Variants in VPS33B observed in about 807,000 individuals in gnomAD.
VPS33B encodes VPS33B late endosome and lysosome associated.
In VPS33B, 80 loss-of-function variants were observed where a neutral mutation model predicts 95.3. The ratio of observed to expected loss-of-function variants is 0.84; its 90% CI spans 0.70 to 1.01. VPS33B has a LOEUF of 1.01. VPS33B is among the 50% of genes least tolerant of loss of function. The pLI, the probability that VPS33B is intolerant of heterozygous loss-of-function variation, is 0.00. For synonymous variants in VPS33B, 280 were observed against 280.4 expected, an observed-to-expected ratio of 1.00 and a Z score of 0.01; for missense variants, 715 against 773.4, an observed-to-expected ratio of 0.92 and a Z score of 0.90.
chr15:91,022,399 TC>T lies in VPS33B; in HGVS notation c.-151del. 1.4e-6 allele frequency: 1 copy of T among 696,678 alleles called. No homozygotes were observed. Among genetic ancestry groups the T allele is most frequent in the Non-Finnish European group, 2.3e-6 (1 of 426,760 alleles). The allele number at this position is 696,678 out of a possible 1,614,324, so 43.2% of individuals were successfully genotyped here. A position where few individuals can be genotyped will look rare whatever the true frequency, so the allele number is the denominator to read the frequency against. The stretch of plus-strand genomic sequence containing the variant: ...ATGGGCCCTCGCTCCTCAGCAGCAC[TC>T]CAGGAATGAATGGCCACCTCCAGGC... On this transcript the variant is annotated 5_prime_UTR_variant, in exon 1 of 23. Transcript: ENST00000333371.
chr15:91,001,336 C>T (rs1180508109), intron 19 of VPS33B, 53 bp downstream of exon 19: 8 of 1,089,360 alleles, frequency 7.3e-6, no homozygotes, highest in Non-Finnish European at 9.9e-6. Flanking sequence ...AAGAAAAGTA[C>T]TCCACAATGG....
chr15:91,007,054 G>T lies in VPS33B; in HGVS notation c.604-8C>A. 1.9e-6 allele frequency: 3 copies of T among 1,608,784 alleles called. No homozygotes were observed. The highest frequency in any genetic ancestry group is 2.5e-6 in the Non-Finnish European group (3 of 1,179,942). ...CCACAATTCATATGCCATCTGCCAG[G>T]GCCCAAGACATTCTCAGTCTTGTGT... On this transcript the variant is annotated splice_region_variant and splice_polypyrimidine_tract_variant and intron_variant, in intron 8 of 22. Coordinates refer to ENST00000333371, the MANE Select transcript of VPS33B (RefSeq NM_018668.5). This position sits in a 1 kb window ranked among gnomAD's most constrained non-coding sequence, Gnocchi z 5.3.
chr15:91,006,811 T>C lies in VPS33B; in HGVS notation c.701-82A>G, dbSNP rs2040620729. 1 of 1,595,280 alleles carries C rather than the reference T, an allele frequency of 6.3e-7. No homozygotes were observed. Among genetic ancestry groups the C allele is most frequent in the Non-Finnish European group, 8.6e-7 (1 of 1,163,220 alleles). Reference sequence around the variant, plus strand: ...ATGTCCAAGGGCAGCTTTGATACTTTCCATAGGGCCAAGGACCCACGCTCC... The same window carrying C: ...ATGTCCAAGGGCAGCTTTGATACTTCCCATAGGGCCAAGGACCCACGCTCC... On this transcript the variant is annotated intron_variant, in intron 9 of 22. Transcript: ENST00000333371. The surrounding 1 kb of genome is among the most constrained non-coding windows in gnomAD (Gnocchi z 5.4).
chr15:91,021,999 TTAC>T (rs1365330240), intron 1 of VPS33B, among the ~76,000 whole-genome samples, 152 bp downstream of exon 1: 2 of 152,194 alleles, frequency 1.3e-5, no homozygotes, highest in African/African-American at 4.8e-5. Flanking sequence ...CAAACAGCTC[TTAC>T]TACTCCCTGG....
At chr15:91,020,266 G>A (rs2041065692) in intron 1 of VPS33B, among the ~76,000 whole-genome samples, 1 of 152,194 alleles carries the variant, frequency 6.6e-6, no homozygotes, top group Non-Finnish European at 1.5e-5. Flanking sequence ...AAAAAGTTAT[G>A]TGTAAAGAAG....
rs1243258906 is a variant in VPS33B, at chr15:91,002,176, C to G, written c.1279G>C (p.Gly427Arg). ...GAGAAGGTTAGCAGGTGCTCAGGGC[C>G]ATAGCTCTGAAGAAGATGCAATTAG... ...SLKTQYLQSY[G>R]PEHLLTFSNL... Residue 427 changes from glycine (G) to arginine (R), a missense_variant, in exon 18 of 23, where the codon GGC becomes CGC. Physicochemically the swap from Gly to Arg is moderately radical, Grantham distance 125. Transcript: ENST00000333371. The surrounding 1 kb of genome is among the most constrained non-coding windows in gnomAD (Gnocchi z 4.7). 6.2e-7 allele frequency: 1 copy of G among 1,614,172 alleles called. No individual in the cohort carries two copies. Among genetic ancestry groups the G allele is most frequent in the East Asian group, 2.2e-5 (1 of 44,892 alleles).
In VPS33B at chr15:91,009,464, G is replaced by A. The variant is rs1276564600; in HGVS notation, c.403+337C>T. On this transcript the variant is annotated intron_variant, in intron 6 of 22. Coordinates refer to ENST00000333371, the MANE Select transcript of VPS33B (RefSeq NM_018668.5). This position sits in a 1 kb window ranked among gnomAD's most constrained non-coding sequence, Gnocchi z 4.1. ...TGGGATTACAAGCGTGCGCCATCAC[G>A]CCCAGCTAATTATTGTATTTTTAGT... is the stretch of plus-strand genomic sequence containing the variant. 2.6e-5 allele frequency among the ~76,000 whole-genome samples: 4 copies of A among 151,716 alleles called. No homozygotes were observed. The highest frequency in any genetic ancestry group is 7.3e-5 in the African/African-American group (3 of 41,246).
rs114924587 is a variant in VPS33B at position 91,004,511 on chromosome 15, A to G, written c.1225+366T>C. The stretch of plus-strand genomic sequence containing the variant: ...AGAGCGAGACTCTTGTCTCAAAAAA[A>G]TAAATAAATAAAATAAATGTTCATG... On this transcript the variant is annotated intron_variant, in intron 16 of 22. Transcript: ENST00000333371. Among the ~76,000 whole-genome samples, 597 of 152,304 alleles carry G rather than the reference A, an allele frequency of 3.9e-3. 8 individuals carry two copies. The highest frequency in any genetic ancestry group is 0.014 in the African/African-American group (574 of 41,546).
Position 91,006,361 on chromosome 15 carries a change from C to A in VPS33B, c.852+11G>T, listed in dbSNP as rs970832921. The A allele has an allele frequency of 6.2e-7, 1 of 1,614,160 alleles. No individual in the cohort carries two copies. The highest frequency in any genetic ancestry group is 1.3e-5 in the African/African-American group (1 of 75,036). ...CCTAGGTGGGCCCATTGCTAGCACCCACACCCTCACCTTGTCCTCGGCATT... is the reference window on the plus strand; with the variant it reads ...CCTAGGTGGGCCCATTGCTAGCACCAACACCCTCACCTTGTCCTCGGCATT... On this transcript the variant is annotated intron_variant, in intron 11 of 22. Coordinates refer to ENST00000333371, the MANE Select transcript of VPS33B (RefSeq NM_018668.5). The surrounding 1 kb of genome is among the most constrained non-coding windows in gnomAD (Gnocchi z 5.4).
chr15:91,012,740 G>A (rs1483994936), intron 5 of VPS33B, among the ~76,000 whole-genome samples: 1 of 152,194 alleles, frequency 6.6e-6, no homozygotes, highest in Non-Finnish European at 1.5e-5. Context: ...GATGCACGTA[G>A]CTGATGTGGA....
rs74037624 is a variant in VPS33B, at chr15:91,021,005, T to C, written c.96+1149A>G. On this transcript the variant is annotated intron_variant, in intron 1 of 22. Coordinates refer to ENST00000333371, the MANE Select transcript of VPS33B (RefSeq NM_018668.5). ...CAGTTCTACATTTCTATCTGCTGGATGTTACAAGCTATATTTCTTACGGGC... is the reference window on the plus strand; with the variant it reads ...CAGTTCTACATTTCTATCTGCTGGACGTTACAAGCTATATTTCTTACGGGC... Among the ~76,000 whole-genome samples, 1,291 of 152,346 alleles carry C rather than the reference T, an allele frequency of 8.5e-3. 25 individuals carry two copies. Among genetic ancestry groups the C allele is most frequent in the African/African-American group, 0.029 (1,220 of 41,574 alleles).
intron 16 of VPS33B, 37 bp downstream of exon 16, chr15:91,004,840 C>T: frequency 1.2e-6 from 2 of 1,612,916 alleles, no homozygotes; most frequent in Non-Finnish European, 1.7e-6. Flanking sequence ...CATAGTTTCT[C>T]AATCTGACAT....
chr15:90,999,238 G>GTGGCAGCCCAGAGTTAAGGCTA lies in VPS33B; in HGVS notation c.1775-206_1775-185dup, dbSNP rs1383134533. The GTGGCAGCCCAGAGTTAAGGCTA allele has an allele frequency of 1.4e-4, 96 of 668,768 alleles. No homozygotes were observed. The East Asian group carries it at 2.5e-3, about 18-fold the overall frequency. 41.4% of individuals were successfully genotyped at this position (668,768 alleles called of 1,614,324 possible). On this transcript the variant is annotated intron_variant, in intron 22 of 22. Coordinates refer to ENST00000333371, the MANE Select transcript of VPS33B (RefSeq NM_018668.5). This position sits in a 1 kb window ranked among gnomAD's most constrained non-coding sequence, Gnocchi z 5.1. ...GACTGGTATAACTGGGCTCCCTGCT[G>GTGGCAGCCCAGAGTTAAGGCTA]TGGCAGCCCAGAGTTAAGGCTATGG...
At position 91,013,657 on chromosome 15, in the gene VPS33B, T is replaced by C. The variant is rs959648988; in HGVS notation, c.357+147A>G. On this transcript the variant is annotated intron_variant, in intron 5 of 22. Transcript: ENST00000333371. This position sits in a 1 kb window ranked among gnomAD's most constrained non-coding sequence, Gnocchi z 4.5. ...AGACCATGAGCTAAATAAATTTCTGTTCATTATAAATTACCTAGTCTCAGG... is the reference window on the plus strand; with the variant it reads ...AGACCATGAGCTAAATAAATTTCTGCTCATTATAAATTACCTAGTCTCAGG... 1.2e-6 allele frequency: 1 copy of C among 864,264 alleles called. No individual in the cohort carries two copies. The highest frequency in any genetic ancestry group is 1.8e-5 in the Admixed American group (1 of 56,184). The allele number at this position is 864,264 out of a possible 1,614,324, so 53.5% of individuals were successfully genotyped here. A position where few individuals can be genotyped will look rare whatever the true frequency, so the allele number is the denominator to read the frequency against.
rs1422530692 is a variant in VPS33B at position 91,005,336 on chromosome 15, A to G, written c.1105+44T>C. The G allele has an allele frequency of 1.2e-6, 2 of 1,614,088 alleles. No homozygotes were observed. The highest frequency in any genetic ancestry group is 3.3e-5 in the Admixed American group (2 of 60,014). ...GGTGGGACGGGGCTGGGAGCTGGGG[A>G]AGTAGAAGCGTGGGCAGTAGCACAG... On this transcript the variant is annotated intron_variant, in intron 14 of 22. Transcript: ENST00000333371. The surrounding 1 kb of genome is among the most constrained non-coding windows in gnomAD (Gnocchi z 6.4).
chr15:91,006,366 C>T lies in VPS33B; in HGVS notation c.852+6G>A, dbSNP rs376311243. 3 of 1,614,172 alleles carry T rather than the reference C, an allele frequency of 1.9e-6. No homozygotes were observed. Among genetic ancestry groups the T allele is most frequent in the African/African-American group, 1.3e-5 (1 of 75,028 alleles). On this transcript the variant is annotated splice_donor_region_variant and intron_variant, in intron 11 of 22. Transcript: ENST00000333371. This position sits in a 1 kb window ranked among gnomAD's most constrained non-coding sequence, Gnocchi z 5.4. Reference sequence around the variant, plus strand: ...GTGGGCCCATTGCTAGCACCCACACCCTCACCTTGTCCTCGGCATTGAGTA... The same window carrying T: ...GTGGGCCCATTGCTAGCACCCACACTCTCACCTTGTCCTCGGCATTGAGTA...
In VPS33B at chr15:91,000,120, C is replaced by T. The variant is rs1268830030; in HGVS notation, c.1582-145G>A. ...CAGGGCCAGGTGTGGTGGCTCACGC[C>T]TGTAATTCCAACACTTTAGGAGTTT... On this transcript the variant is annotated intron_variant, in intron 20 of 22. Coordinates refer to ENST00000333371, the MANE Select transcript of VPS33B (RefSeq NM_018668.5). The surrounding 1 kb of genome is among the most constrained non-coding windows in gnomAD (Gnocchi z 4.9). 1 of 1,016,346 alleles carries T rather than the reference C, an allele frequency of 9.8e-7. No homozygotes were observed. Among genetic ancestry groups the T allele is most frequent in the Non-Finnish European group, 1.5e-6 (1 of 669,770 alleles). The allele number at this position is 1,016,346 out of a possible 1,614,324, so 63.0% of individuals were successfully genotyped here. A position where few individuals can be genotyped will look rare whatever the true frequency, so the allele number is the denominator to read the frequency against.
chr15:91,007,506 G>C lies in VPS33B; in HGVS notation c.566C>G (p.Pro189Arg). Residue 189 changes from proline (P) to arginine (R), a missense_variant, in exon 8 of 23, where the codon CCC becomes CGC. By Grantham distance (103) the Pro-to-Arg change is moderately radical. Transcript: ENST00000333371. This position sits in a 1 kb window ranked among gnomAD's most constrained non-coding sequence, Gnocchi z 5.3. ...GCCAATTCCATAGCAGTTTGGAAAG[G>C]GTCCATAGAGAGTGCTGAGAAGGTG... ...ALHLLSTLYGPFPNCYGIGRC... is the reference protein window; with the variant it reads ...ALHLLSTLYGRFPNCYGIGRC... 6.2e-7 allele frequency: 1 copy of C among 1,614,190 alleles called. No individual in the cohort carries two copies. Among genetic ancestry groups the C allele is most frequent in the Non-Finnish European group, 8.5e-7 (1 of 1,180,036 alleles).
Position 91,013,839 on chromosome 15 carries a change from T to C in VPS33B, c.322A>G (p.Thr108Ala), listed in dbSNP as rs763092006. 1.2e-6 allele frequency: 2 copies of C among 1,614,090 alleles called. No individual in the cohort carries two copies. The highest frequency in any genetic ancestry group is 1.1e-5 in the South Asian group (1 of 91,076). Residue 108 changes from threonine (T) to alanine (A), a missense_variant, in exon 5 of 23, where the codon ACT (threonine) becomes GCT (alanine). Coordinates refer to ENST00000333371, the MANE Select transcript of VPS33B (RefSeq NM_018668.5). The surrounding 1 kb of genome is among the most constrained non-coding windows in gnomAD (Gnocchi z 4.5). ...CTGAAGATCACTTTGTATTTGCGAG[T>C]TCGGCCAGCCAATTTGTCAGCATTG... ...LVNADKLAGR[T>A]RKYKVIFSPQ...
Sources: allele counts gnomAD v4.1 joint callset (sites outside exome capture counted in the v4.1 genomes callset), GRCh38; gene constraint gnomAD v4.1.1; non-coding constraint Gnocchi (gnomAD v3.1); transcripts MANE v1.5; gene names NCBI Gene and HGNC (gene_info 2026-07-23, HGNC 2026-07-21).